ANO2: variants seen among roughly 807,000 people sequenced by gnomAD.
ANO2 encodes the protein anoctamin-2.
Under a neutral mutation model 124.2 loss-of-function variants are expected in ANO2, and 101 were observed. The ratio of observed to expected loss-of-function variants is 0.81; its 90% CI spans 0.69 to 0.96. The LOEUF (loss-of-function observed/expected upper bound fraction) is 0.96, where lower values mean the gene tolerates loss of function less well. Among genes scored for constraint, ANO2 ranks in the 40% least tolerant of loss-of-function variants. The pLI, the probability that ANO2 is intolerant of heterozygous loss-of-function variation, is 0.00. For synonymous variants in ANO2, 486 were observed against 482.5 expected, an observed-to-expected ratio of 1.01 and a Z score of -0.09; for missense variants, 1,293 against 1,274.5, an observed-to-expected ratio of 1.01 and a Z score of -0.22.
intron 11 of ANO2, among the ~76,000 whole-genome samples, chr12:5,746,848 A>G (rs1414427439): frequency 6.6e-6 from 1 of 152,248 alleles, no homozygotes; most frequent in Non-Finnish European, 1.5e-5. Flanking sequence ...AATATGGTTT[A>G]GATTAATCAG....
At chr12:5,929,268 T>A (rs76316575) in intron 1 of ANO2, among the ~76,000 whole-genome samples, 5,504 of 81,704 alleles carry the variant, frequency 0.067, no homozygotes, top group East Asian at 0.3. Flanking sequence ...TCTTCTTTCC[T>A]TACTCGTCTG....
chr12:5,915,371 G>C lies in ANO2; in HGVS notation c.534+5669C>G, dbSNP rs1390255463. ...GGAAATATGCACAAAAAATGAAAAAGTGAAATGCCAAATGGAAGGTATGTG... is the reference window on the plus strand; with the variant it reads ...GGAAATATGCACAAAAAATGAAAAACTGAAATGCCAAATGGAAGGTATGTG... On this transcript the variant is annotated intron_variant, in intron 3 of 24. Transcript: ENST00000682330. Among the ~76,000 whole-genome samples the C allele has an allele frequency of 3.3e-5, 5 of 152,150 alleles. No individual in the cohort carries two copies. The East Asian group carries it at 9.6e-4, about 29-fold the overall frequency.
chr12:5,827,802 G>C lies in ANO2; in HGVS notation c.859C>G (p.Arg287Gly). Residue 287 changes from arginine (R) to glycine (G), a missense_variant, in exon 7 of 25, where the codon CGC becomes GGC. Transcript: ENST00000682330. Reference sequence around the variant, plus strand: ...TTGTTGGCTCGGGAGCAGGCTGTGCGCTTCAGGATCTCGTGCACCTAAAAG... The same window carrying C: ...TTGTTGGCTCGGGAGCAGGCTGTGCCCTTCAGGATCTCGTGCACCTAAAAG... ...RSRIVHEILK[R>G]TACSRANNTM... is the part of the protein sequence containing the mutation. The C allele has an allele frequency of 6.2e-7, 1 of 1,611,506 alleles. No homozygotes were observed. The highest frequency in any genetic ancestry group is 1.1e-5 in the South Asian group (1 of 90,368).
intron 22 of ANO2, among the ~76,000 whole-genome samples, chr12:5,577,697 C>T (rs763343323): frequency 1.3e-5 from 2 of 152,142 alleles, no homozygotes; most frequent in African/African-American, 2.4e-5. Flanking sequence ...TGATTTTGAC[C>T]GTCAGGGCCA....
intron 1 of ANO2, among the ~76,000 whole-genome samples, chr12:5,931,488 G>C (rs932258430): frequency 5.3e-5 from 8 of 151,492 alleles, no homozygotes; most frequent in Non-Finnish European, 5.9e-5. Flanking sequence ...AGGCCTATAA[G>C]GAAAGAAGGC....
At chr12:5,877,063 C>T (rs898884871) in intron 3 of ANO2, among the ~76,000 whole-genome samples, 4 of 152,136 alleles carry the variant, frequency 2.6e-5, no homozygotes, top group Admixed American at 6.5e-5. Context: ...GGTTGAGTAG[C>T]GCCCTTACCC....
intron 3 of ANO2, among the ~76,000 whole-genome samples, chr12:5,902,011 G>T (rs558539588): frequency 6.6e-6 from 1 of 152,300 alleles, no homozygotes; most frequent in East Asian, 1.9e-4. Flanking sequence ...TGAGATTTGA[G>T]ATACTGCATG....
At chr12:5,860,473 T>C (rs528755802) in intron 3 of ANO2, among the ~76,000 whole-genome samples, 1 of 152,324 alleles carries the variant, frequency 6.6e-6, no homozygotes, top group African/African-American at 2.4e-5. Flanking sequence ...TCAGTAAATA[T>C]TTCTGGCAAC....
At chr12:5,566,472 T>C (rs1591634420) in intron 23 of ANO2, among the ~76,000 whole-genome samples, 2 of 152,094 alleles carry the variant, frequency 1.3e-5, no homozygotes, top group South Asian at 2.1e-4. Flanking sequence ...TTTCTAAGCC[T>C]GGAAAAATGA....
Position 5,594,413 on chromosome 12 carries a change from G to A in ANO2, c.2233+5071C>T, listed in dbSNP as rs140481946. Among the ~76,000 whole-genome samples the A allele has an allele frequency of 2.2e-3, 335 of 152,296 alleles. 2 individuals are homozygous for A. The highest frequency in any genetic ancestry group is 7.7e-3 in the African/African-American group (322 of 41,558). ...AGTATACAGTCACCACATTGGCCAA[G>A]ATTTTACAACTACTTCATATGGTCT... On this transcript the variant is annotated intron_variant, in intron 20 of 24. Transcript: ENST00000682330.
chr12:5,742,734 G>C (rs1197222529), intron 12 of ANO2, among the ~76,000 whole-genome samples: 1 of 152,094 alleles, frequency 6.6e-6, no homozygotes, highest in African/African-American at 2.4e-5. Flanking sequence ...TTGTAATATA[G>C]CAAAAAATGA....
chr12:5,888,955 C>T lies in ANO2; in HGVS notation c.534+32085G>A, dbSNP rs372952453. 5.4e-3 allele frequency among the ~76,000 whole-genome samples: 825 copies of T among 152,306 alleles called. 6 individuals carry two copies. Among genetic ancestry groups the T allele is most frequent in the African/African-American group, 0.019 (801 of 41,568 alleles). On this transcript the variant is annotated intron_variant, in intron 3 of 24. Coordinates refer to ENST00000682330, the MANE Select transcript of ANO2 (RefSeq NM_001364791.2). ...GTGCCTTGGAGCAGGGAGCTGTGCTCGTTGGGGAGGCTGGGGCCACGCAGG... is the reference window on the plus strand; with the variant it reads ...GTGCCTTGGAGCAGGGAGCTGTGCTTGTTGGGGAGGCTGGGGCCACGCAGG...
chr12:5,714,946 G>C (rs754977114), intron 14 of ANO2, among the ~76,000 whole-genome samples: 1 of 152,170 alleles, frequency 6.6e-6, no homozygotes, highest in Non-Finnish European at 1.5e-5. Context: ...GCATACCCTA[G>C]GTTCTGTGGG....
At chr12:5,886,317 G>C (rs1193689851) in intron 3 of ANO2, among the ~76,000 whole-genome samples, 1 of 152,206 alleles carries the variant, frequency 6.6e-6, no homozygotes. Flanking sequence ...AGGAAATCCT[G>C]CCATTTGTGA....
intron 3 of ANO2, among the ~76,000 whole-genome samples, chr12:5,893,134 C>T (rs1465574559): frequency 3.3e-5 from 5 of 152,112 alleles, no homozygotes; most frequent in Non-Finnish European, 7.4e-5. Context: ...GAAACCATAA[C>T]ATTTCTAGAA....
chr12:5,930,248 T>A (rs1334063489), intron 1 of ANO2, among the ~76,000 whole-genome samples: 3 of 152,224 alleles, frequency 2.0e-5, no homozygotes, highest in Non-Finnish European at 4.4e-5. Context: ...TAATTCCCAA[T>A]GTTTTATACA....
intron 4 of ANO2, among the ~76,000 whole-genome samples, chr12:5,840,636 C>A (rs61908362): frequency 0.18 from 27,055 of 152,084 alleles, 2,742 homozygotes; most frequent in Non-Finnish European, 0.21. Context: ...TCTTAATGAC[C>A]CATGAGTCAC....
At chr12:5,733,172 G>A (rs1163734442) in intron 13 of ANO2, 2 of 503,372 alleles carry the variant, frequency 4.0e-6, no homozygotes, top group Non-Finnish European at 7.2e-6. Context: ...GGTGGCCATA[G>A]GGAATCTTAA....
chr12:5,744,607 A>T (rs774065790), intron 11 of ANO2, among the ~76,000 whole-genome samples: 1 of 152,226 alleles, frequency 6.6e-6, no homozygotes, highest in Non-Finnish European at 1.5e-5. Context: ...GATGCCTCAT[A>T]AAGTCCCTTC....
Sources: gnomAD v4.1 joint callset for allele counts (sites outside exome capture counted in the v4.1 genomes callset) on GRCh38, gnomAD v4.1.1 for gene constraint, MANE v1.5 for transcripts, NCBI Gene and HGNC (gene_info 2026-07-23, HGNC 2026-07-21) for gene names.